The following MED16 variants were observed in gnomAD, a reference collection of about 807,000 sequenced individuals.
The protein encoded by MED16 is mediator of RNA polymerase II transcription subunit 16.
MED16 carries 81 observed loss-of-function variants against 84.4 expected under a neutral mutation model. The ratio of observed to expected loss-of-function variants is 0.96; its 90% CI spans 0.80 to 1.15. The LOEUF is 1.15. Ranked by LOEUF, MED16 falls within the 50% of genes most tolerant of loss-of-function variation. The pLI is 0.00. For synonymous variants in MED16, 897 were observed against 552.2 expected, an observed-to-expected ratio of 1.62 and a Z score of -8.76; for missense variants, 1,585 against 1,245.9, an observed-to-expected ratio of 1.27 and a Z score of -4.10.
intron 4 of MED16, among the ~76,000 whole-genome samples, chr19:888,495 G>C (rs1419822278): frequency 6.8e-6 from 1 of 146,402 alleles, no homozygotes; most frequent in Admixed American, 7.0e-5. Context: ...CTGCACTCCA[G>C]CCTGGGGGAT....
At chr19:890,839 G>T (rs1167586199) in intron 2 of MED16, 124 bp downstream of exon 2, 2 of 1,064,830 alleles carry the variant, frequency 1.9e-6, no homozygotes, top group Admixed American at 2.9e-5. Context: ...TTACAGAGGA[G>T]GGCCAGGGTG....
chr19:880,398 GGGCCCATGTCC>G (rs1382148855), intron 7 of MED16, among the ~76,000 whole-genome samples: 2 of 152,238 alleles, frequency 1.3e-5, no homozygotes, highest in Non-Finnish European at 2.9e-5. Flanking sequence ...CCTCCCAGCT[GGGCCCATGTCC>G]TGGCTGACAC....
At chr19:885,719 A>G (rs2036511589) in intron 5 of MED16, 51 bp downstream of exon 5, 2 of 1,577,830 alleles carry the variant, frequency 1.3e-6, no homozygotes, top group South Asian at 2.3e-5. Context: ...CCTGAGAAGC[A>G]GTGCTTCATT....
chr19:882,175 C>T (rs1268216219), intron 6 of MED16, among the ~76,000 whole-genome samples: 2 of 152,252 alleles, frequency 1.3e-5, no homozygotes, highest in Non-Finnish European at 2.9e-5. Flanking sequence ...CTCCTCCCAA[C>T]AGGGCAGAGA....
Position 871,159 on chromosome 19 carries a change from C to A in MED16, c.2193G>T (p.Trp731Cys). 1 of 1,548,720 alleles carries A rather than the reference C, an allele frequency of 6.5e-7. No homozygotes were observed. The highest frequency in any genetic ancestry group is 8.7e-7 in the Non-Finnish European group (1 of 1,145,940). Reference protein sequence around the residue: ...PSQLLIPSLDWLPASDGLVSR... With the variant: ...PSQLLIPSLDCLPASDGLVSR... The stretch of plus-strand genomic sequence containing the variant: ...TAACCAGGCCGTCGCTGGCTGGCAG[C>A]CAGTCCAGGCTGGGGATAAGCAGCT... Residue 731 changes from tryptophan (W) to cysteine (C), a missense_variant, in exon 13 of 16, where the codon TGG becomes TGT. Coordinates refer to ENST00000325464, the MANE Select transcript of MED16 (RefSeq NM_005481.3).
At chr19:874,907 T>C (rs1400658113) in intron 10 of MED16, among the ~76,000 whole-genome samples, 3 of 152,086 alleles carry the variant, frequency 2.0e-5, no homozygotes, top group East Asian at 1.9e-4. Context: ...CTTTAGGCTA[T>C]ATCCCAGCAC....
intron 5 of MED16, among the ~76,000 whole-genome samples, chr19:885,403 G>A (rs1015478734): frequency 5.9e-5 from 9 of 152,220 alleles, no homozygotes; most frequent in East Asian, 1.9e-4. Context: ...TCACAGAGAA[G>A]GGACCTGCGG....
At chr19:888,671 A>G (rs1462541633) in intron 4 of MED16, among the ~76,000 whole-genome samples, 1 of 152,126 alleles carries the variant, frequency 6.6e-6, no homozygotes, top group Non-Finnish European at 1.5e-5. Context: ...CATCCCGACA[A>G]AACTGTTACC....
intron 8 of MED16, among the ~76,000 whole-genome samples, chr19:878,750 G>A (rs1219095822): frequency 2.8e-5 from 3 of 106,458 alleles, no homozygotes; most frequent in African/African-American, 3.8e-5. Flanking sequence ...CCAGCCCCAC[G>A]TGCCCCAGCA....
At position 885,918 on chromosome 19, in the gene MED16, A is replaced by AC. The variant is rs767293937; in HGVS notation, c.730dup (p.Val244GlyfsTer173). 8 of 1,613,182 alleles carry AC rather than the reference A, an allele frequency of 5.0e-6. No homozygotes were observed. The highest frequency in any genetic ancestry group is 1.1e-5 in the South Asian group (1 of 91,094). On this transcript the variant is annotated frameshift_variant, in exon 5 of 16. Coordinates refer to ENST00000325464, the MANE Select transcript of MED16 (RefSeq NM_005481.3). LOFTEE classifies it high-confidence loss of function. Reference sequence around the variant, plus strand: ...CTTCTCGCTCACCACGCTCACGCACACCTTGTAGAACTGCACGGGCGACGC... The same window carrying AC: ...CTTCTCGCTCACCACGCTCACGCACACCCTTGTAGAACTGCACGGGCGACGC...
At chr19:881,056 G>T (rs976210259) in intron 7 of MED16, among the ~76,000 whole-genome samples, 1 of 152,188 alleles carries the variant, frequency 6.6e-6, no homozygotes, top group Non-Finnish European at 1.5e-5. Context: ...AGCGGGTTTT[G>T]ATAAATGCTC....
At chr19:871,550 C>T (rs2036055935) in intron 12 of MED16, 4 of 1,587,414 alleles carry the variant, frequency 2.5e-6, no homozygotes, top group South Asian at 1.1e-5. Context: ...AAGAATGACA[C>T]AGCTCACCCT....
intron 2 of MED16, 83 bp downstream of exon 2, chr19:890,880 T>A: frequency 6.8e-7 from 1 of 1,473,524 alleles, no homozygotes; most frequent in South Asian, 1.2e-5. Context: ...ACCGAGTCCC[T>A]TCAAGGCAGT....
intron 4 of MED16, among the ~76,000 whole-genome samples, chr19:888,733 G>A (rs899809583): frequency 3.9e-5 from 6 of 152,134 alleles, no homozygotes; most frequent in African/African-American, 2.4e-5. Flanking sequence ...AGTGCACCCC[G>A]GAGGGCCCCC....
Position 879,160 on chromosome 19 carries a change from G to A in MED16, c.1353+777C>T, listed in dbSNP as rs2036347968. On this transcript the variant is annotated intron_variant, in intron 8 of 15. Transcript: ENST00000325464. ...CCCAGCCCCAGCCCCACGTGCCCCA[G>A]CAGCTCGCCTTCCCCTGGTTGTCAA... Among the ~76,000 whole-genome samples the A allele has an allele frequency of 4.1e-5, 5 of 121,290 alleles. No individual in the cohort carries two copies. The South Asian group carries it at 1.2e-3, about 28-fold the overall frequency. 79.6% of individuals were successfully genotyped at this position (121,290 alleles called of 152,430 possible).
rs2035979162 is a variant in MED16 at position 868,871 on chromosome 19, G to A, written c.2391C>T (p.Ala797=). The A allele has an allele frequency of 6.5e-7, 1 of 1,549,600 alleles. No homozygotes were observed. The highest frequency in any genetic ancestry group is 2.0e-5 in the Admixed American group (1 of 50,868). ...TTCCGGGGGCCCCTCACCTGGTGCA[G>A]GCCTTGCATTCCTCCGTGGGGCAAG... ...LGACPTEECK[A]CTRCGCVTML... is the part of the protein sequence containing the mutation. Residue 797 remains alanine (A), a synonymous_variant, in exon 14 of 16, where the codon GCC becomes GCT. Coordinates refer to ENST00000325464, the MANE Select transcript of MED16 (RefSeq NM_005481.3).
At position 876,988 on chromosome 19, in the gene MED16, C is replaced by T. The variant is rs751988431; in HGVS notation, c.1546G>A (p.Ala516Thr). The T allele has an allele frequency of 1.7e-5, 27 of 1,611,114 alleles. No homozygotes were observed. In the African/African-American group the frequency reaches 1.7e-4, roughly 10 times the overall value. ...CGGGCCCCCACCTGCTGCAGGGCAG[C>T]GGTCTGGCGCGTGTACTCCTCGTGC... ...KLHEEYTRQTAALQQVLSTRI... is the reference protein window; with the variant it reads ...KLHEEYTRQTTALQQVLSTRI... Residue 516 changes from alanine to threonine, a missense_variant, in exon 9 of 16, where the codon GCT becomes ACT. Transcript: ENST00000325464.
At chr19:871,650 C>A (rs780757089) in intron 12 of MED16, 46 of 1,589,010 alleles carry the variant, frequency 2.9e-5, no homozygotes, top group Non-Finnish European at 2.6e-6. Flanking sequence ...AGAGCATGGA[C>A]CTGTGCTAGG....
At chr19:873,256 A>AAGTAGGGGTGGG (rs1333795039) in intron 11 of MED16, among the ~76,000 whole-genome samples, 193 bp downstream of exon 11, 97 of 138,000 alleles carry the variant, frequency 7.0e-4, no homozygotes, top group Admixed American at 3.6e-3. Context: ...GTGGGACTCC[A>AAGTAGGGGTGGG]ACCAGGGGCG....
Sources: gnomAD v4.1 joint callset for allele counts (sites outside exome capture counted in the v4.1 genomes callset) on GRCh38, gnomAD v4.1.1 for gene constraint, MANE v1.5 for transcripts, NCBI Gene and HGNC (gene_info 2026-07-23, HGNC 2026-07-21) for gene names.